KHSRP: variants seen among roughly 807,000 people sequenced by gnomAD.
KHSRP encodes KH-type splicing regulatory protein.
KHSRP carries 13 observed loss-of-function variants against 94.9 expected under a neutral mutation model. The observed-to-expected ratio is 0.14, with a 90% CI of 0.09 to 0.22. The LOEUF (loss-of-function observed/expected upper bound fraction) is 0.22. Among genes scored for constraint, KHSRP ranks in the 10% least tolerant of loss-of-function variants. The pLI is 1.00. For missense variants in KHSRP, 710 were observed against 1,010.0 expected (o/e 0.70, Z 4.03); for synonymous variants, 495 against 401.4 (o/e 1.23, Z -2.79).
intron 15 of KHSRP, 130 bp from the exon 16 acceptor site, chr19:6,416,026 G>A (rs904581082): frequency 1.5e-6 from 1 of 674,210 alleles, no homozygotes; most frequent in East Asian, 2.9e-5. Flanking sequence ...CGGGGCGCCT[G>A]GGAAAGGCCT....
chr19:6,417,523 T>C (rs564251740), intron 11 of KHSRP, among the ~76,000 whole-genome samples: 25 of 152,264 alleles, frequency 1.6e-4, no homozygotes, highest in African/African-American at 6.0e-4. Context: ...GGAGATCTGA[T>C]AGGGATAGGA....
In KHSRP at chr19:6,418,132, C is replaced by A; in HGVS notation, c.880-53G>T. The A allele has an allele frequency of 8.6e-6, 13 of 1,513,492 alleles. No individual in the cohort carries two copies. The highest frequency in any genetic ancestry group is 6.8e-5 in the East Asian group (3 of 44,120). 93.8% of individuals were successfully genotyped at this position (1,513,492 alleles called of 1,614,324 possible). A position where few individuals can be genotyped will look rare whatever the true frequency, so the allele number is the denominator to read the frequency against. The stretch of plus-strand genomic sequence containing the variant: ...TGGGTGAGCCCTGCTGCCCCACACC[C>A]CCCCACCTCCTCGGGGGTGCGGGCC... On this transcript the variant is annotated intron_variant, in intron 9 of 18. Coordinates refer to ENST00000600480, the MANE Select transcript of KHSRP (RefSeq NM_001366299.1). The surrounding 1 kb of genome is among the most constrained non-coding windows in gnomAD (Gnocchi z 4.3).
At chr19:6,422,152 C>T (rs1173968750) in intron 2 of KHSRP, among the ~76,000 whole-genome samples, 188 bp downstream of exon 2, 1 of 152,186 alleles carries the variant, frequency 6.6e-6, no homozygotes, top group Non-Finnish European at 1.5e-5. Flanking sequence ...TCAATCTGCC[C>T]TCCTCTCTGC....
rs1302406384 is a variant in KHSRP, at chr19:6,414,187, AAG to A, written c.*835_*836del. 3.8e-6 allele frequency: 6 copies of A among 1,579,186 alleles called. No individual in the cohort carries two copies. The highest frequency in any genetic ancestry group is 4.3e-6 in the Non-Finnish European group (5 of 1,163,714). ...GGAAGGGTGGGAGACTAGGGGGCGG[AAG>A]AGAGGAGGGGCTGGAACACCGTGGG... On this transcript the variant is annotated 3_prime_UTR_variant, in exon 19 of 19. Transcript: ENST00000600480.
At chr19:6,417,904 G>A (rs1031245545) in intron 10 of KHSRP, 63 bp from the exon 11 acceptor site, 2 of 1,599,440 alleles carry the variant, frequency 1.3e-6, no homozygotes, top group Non-Finnish European at 1.7e-6. Context: ...CTGCCCACTG[G>A]CCACAAGGAG....
chr19:6,419,336 T>C (rs1384572494), intron 6 of KHSRP, 76 bp from the exon 7 acceptor site: 1 of 1,375,814 alleles, frequency 7.3e-7, no homozygotes, highest in Non-Finnish European at 9.9e-7. Context: ...ACGAGGAAAC[T>C]TTCAGAACAA....
Position 6,417,981 on chromosome 19 carries a change from A to G in KHSRP, c.978T>C (p.Asp326=), listed in dbSNP as rs770726770. Residue 326 remains aspartate (D), a splice_region_variant and synonymous_variant, in exon 10 of 19, where the codon GAT becomes GAC. Coordinates refer to ENST00000600480, the MANE Select transcript of KHSRP (RefSeq NM_001366299.1). Reference sequence around the variant, plus strand: ...GGGTGAAGGCAGGGCCCACACTCACATCGATGCCTCCGCCAATCCGAGATC... The same window carrying G: ...GGGTGAAGGCAGGGCCCACACTCACGTCGATGCCTCCGCCAATCCGAGATC... ...EYGSRIGGGI[D]VPVPRHSVGV... 3.1e-6 allele frequency: 5 copies of G among 1,613,694 alleles called. No individual in the cohort carries two copies. The highest frequency in any genetic ancestry group is 1.7e-5 in the Admixed American group (1 of 60,000).
chr19:6,424,793 C>T lies in KHSRP; in HGVS notation c.-92G>A. 1 of 399,124 alleles carries T rather than the reference C, an allele frequency of 2.5e-6. No individual in the cohort carries two copies. The highest frequency in any genetic ancestry group is 3.4e-6 in the Non-Finnish European group (1 of 292,178). 24.7% of individuals were successfully genotyped at this position (399,124 alleles called of 1,614,324 possible). A position where few individuals can be genotyped will look rare whatever the true frequency, so the allele number is the denominator to read the frequency against. On this transcript the variant is annotated 5_prime_UTR_variant, in exon 1 of 19. In the 5' UTR this introduces an upstream ATG that the reference lacks. Transcript: ENST00000600480. ...AACGCGGGAACAAGGCCTCGCTCCA[C>T]ACGGCCGCGGAGCACTCTGGGAACC...
rs969968510 is a variant in KHSRP, at chr19:6,414,618, C to T, written c.*406G>A. 2.4e-5 allele frequency: 24 copies of T among 1,011,568 alleles called. No homozygotes were observed. The highest frequency in any genetic ancestry group is 2.5e-5 in the Non-Finnish European group (21 of 848,014). 62.7% of individuals were successfully genotyped at this position (1,011,568 alleles called of 1,614,324 possible). Reference sequence around the variant, plus strand: ...CCTGGGCCGCTCCCCGCGTCCCCACCAGTCCCTGCCAGAGCCAGGCCGCCT... The same window carrying T: ...CCTGGGCCGCTCCCCGCGTCCCCACTAGTCCCTGCCAGAGCCAGGCCGCCT... On this transcript the variant is annotated 3_prime_UTR_variant, in exon 19 of 19. Coordinates refer to ENST00000600480, the MANE Select transcript of KHSRP (RefSeq NM_001366299.1).
rs1396163095 is a variant in KHSRP at position 6,422,930 on chromosome 19, T to C, written c.250-494A>G. Among the ~76,000 whole-genome samples, 5 of 152,182 alleles carry C rather than the reference T, an allele frequency of 3.3e-5. No homozygotes were observed. In the South Asian group the frequency reaches 8.3e-4, roughly 25 times the overall value. ...TCCTTTTATCAATTTATTGAATAAATTTGAGCAAAGCGATCACTTCAAGGG... is the reference window on the plus strand; with the variant it reads ...TCCTTTTATCAATTTATTGAATAAACTTGAGCAAAGCGATCACTTCAAGGG... On this transcript the variant is annotated intron_variant, in intron 1 of 18. Transcript: ENST00000600480.
At position 6,414,350 on chromosome 19, in the gene KHSRP, AAG is replaced by A. The variant is rs1368635597; in HGVS notation, c.*672_*673del. 3.6e-6 allele frequency: 5 copies of A among 1,379,356 alleles called. No individual in the cohort carries two copies. The highest frequency in any genetic ancestry group is 1.5e-5 in the African/African-American group (1 of 68,228). The allele number at this position is 1,379,356 out of a possible 1,614,324, so 85.4% of individuals were successfully genotyped here. ...GATGGAGAAGGAGGGACAGAGCAGG[AAG>A]AGAGGAGAGGGGCCGCGGAGGGCGG... On this transcript the variant is annotated 3_prime_UTR_variant, in exon 19 of 19. Coordinates refer to ENST00000600480, the MANE Select transcript of KHSRP (RefSeq NM_001366299.1).
Position 6,422,305 on chromosome 19 carries a change from T to C in KHSRP, c.346+35A>G. On this transcript the variant is annotated intron_variant, in intron 2 of 18. Transcript: ENST00000600480. ...AAGCACCTCTTTAGGCCCCCAGCCC[T>C]TCCTCCTAAGCTAAAGGCAGCAGCA... 2.1e-6 allele frequency: 3 copies of C among 1,461,574 alleles called. No homozygotes were observed. In the South Asian group the frequency reaches 3.4e-5, roughly 17 times the overall value. 90.5% of individuals were successfully genotyped at this position (1,461,574 alleles called of 1,614,324 possible).
At position 6,414,428 on chromosome 19, in the gene KHSRP, C is replaced by CCGGCG; in HGVS notation, c.*591_*595dup. 1 of 1,261,334 alleles carries CCGGCG rather than the reference C, an allele frequency of 7.9e-7. No individual in the cohort carries two copies. The highest frequency in any genetic ancestry group is 1.5e-5 in the African/African-American group (1 of 65,962). 78.1% of individuals were successfully genotyped at this position (1,261,334 alleles called of 1,614,324 possible). Reference sequence around the variant, plus strand: ...CCCTGTCTCCGGAGGGCGGTGGCTCCCGGCGCAGCACGACGACATGAACAA... The same window carrying CCGGCG: ...CCCTGTCTCCGGAGGGCGGTGGCTCCCGGCGCGGCGCAGCACGACGACATGAACAA... On this transcript the variant is annotated 3_prime_UTR_variant, in exon 19 of 19. Transcript: ENST00000600480.
intron 4 of KHSRP, 149 bp from the exon 5 acceptor site, chr19:6,420,620 A>C (rs1454127819): frequency 2.7e-6 from 2 of 734,064 alleles, no homozygotes; most frequent in Non-Finnish European, 4.8e-6. Context: ...CAGTTTCCCC[A>C]TCTGTGCCCC....
In KHSRP at chr19:6,419,258, T is replaced by A; in HGVS notation, c.550A>T (p.Ser184Cys). ...ACACTGCGCTCGGGTAGGCCACCGC[T>A]GTCTGAAAAGAGGAGATAGAGTCAG... is the stretch of plus-strand genomic sequence containing the variant. ...SGCKVQISPDSGGLPERSVSL... is the reference protein window; with the variant it reads ...SGCKVQISPDCGGLPERSVSL... Residue 184 changes from serine to cysteine, a missense_variant and splice_region_variant, in exon 7 of 19, where the codon AGC becomes TGC. Coordinates refer to ENST00000600480, the MANE Select transcript of KHSRP (RefSeq NM_001366299.1). 6.3e-7 allele frequency: 1 copy of A among 1,575,492 alleles called. No homozygotes were observed. Among genetic ancestry groups the A allele is most frequent in the Non-Finnish European group, 8.6e-7 (1 of 1,160,728 alleles).
At chr19:6,422,026 C>T (rs572225089) in intron 2 of KHSRP, among the ~76,000 whole-genome samples, 2 of 152,282 alleles carry the variant, frequency 1.3e-5, no homozygotes, top group African/African-American at 2.4e-5. Flanking sequence ...GGTCACACTA[C>T]GCACCCCAGA....
In KHSRP at chr19:6,414,736, G is replaced by A. The variant is rs368545720; in HGVS notation, c.*288C>T. On this transcript the variant is annotated 3_prime_UTR_variant, in exon 19 of 19. Transcript: ENST00000600480. ...AAAACCAAAAAAGTGATGCAGAGAA[G>A]GGGAAAAAATAGACGTTTTCTTCCC... is the stretch of plus-strand genomic sequence containing the variant. The A allele has an allele frequency of 2.0e-5, 21 of 1,061,078 alleles. No homozygotes were observed. The highest frequency in any genetic ancestry group is 8.1e-5 in the South Asian group (2 of 24,686). 65.7% of individuals were successfully genotyped at this position (1,061,078 alleles called of 1,614,324 possible). A position where few individuals can be genotyped will look rare whatever the true frequency, so the allele number is the denominator to read the frequency against.
At position 6,424,454 on chromosome 19, in the gene KHSRP, T is replaced by G; in HGVS notation, c.248A>C (p.Gln83Pro). ...AFADAVQRARQIAAKIGGDAA... is the reference protein window; with the variant it reads ...AFADAVQRARPIAAKIGGDAA... Reference sequence around the variant, plus strand: ...CCCTCAGGCCCTCGGCCTCCTCACCTGGCGGGCCCGCTGCACGGCGTCGGC... The same window carrying G: ...CCCTCAGGCCCTCGGCCTCCTCACCGGGCGGGCCCGCTGCACGGCGTCGGC... The change falls in exon 1 of 19, where the codon CAG (glutamine) becomes CCG (proline). Residue 83 changes from glutamine (Q) to proline (P), a missense_variant and splice_region_variant. By Grantham distance (76) the Gln-to-Pro change is moderately conservative (BLOSUM62 -1). Around this residue, in one of 5 missense-constraint regions of KHSRP, gnomAD observed 288 missense variants for 501.1 expected, o/e 0.57. Transcript: ENST00000600480. 1.0e-6 allele frequency: 1 copy of G among 985,996 alleles called. No individual in the cohort carries two copies. The highest frequency in any genetic ancestry group is 1.2e-6 in the Non-Finnish European group (1 of 832,380). The allele number at this position is 985,996 out of a possible 1,614,324, so 61.1% of individuals were successfully genotyped here. A position where few individuals can be genotyped will look rare whatever the true frequency, so the allele number is the denominator to read the frequency against.
In KHSRP at chr19:6,423,559, G is replaced by A. The variant is rs149893670; in HGVS notation, c.249+894C>T. The stretch of plus-strand genomic sequence containing the variant: ...CTGTCCCAGAATCAGACGGTTCCAT[G>A]GGCAATAAGACCAAATGCACGCTAG... On this transcript the variant is annotated intron_variant, in intron 1 of 18. Transcript: ENST00000600480. Among the ~76,000 whole-genome samples, 42 of 152,278 alleles carry A rather than the reference G, an allele frequency of 2.8e-4. 1 individual carries two copies. Among genetic ancestry groups the A allele is most frequent in the African/African-American group, 9.9e-4 (41 of 41,562 alleles).
Sources: gnomAD v4.1 joint callset for allele counts (sites outside exome capture counted in the v4.1 genomes callset) on GRCh38, gnomAD v4.1.1 for gene constraint, gnomAD v4.1.1 regional missense constraint, Gnocchi (gnomAD v3.1) non-coding constraint, MANE v1.5 for transcripts, NCBI Gene and HGNC (gene_info 2026-07-23, HGNC 2026-07-21) for gene names.